Variants in SLC35F4 observed in about 807,000 individuals in gnomAD.
SLC35F4 encodes the protein chromosome 14 open reading frame 36.
SLC35F4 carries 24 observed loss-of-function variants against 44.2 expected under a neutral mutation model. The ratio of observed to expected loss-of-function variants is 0.54; its 90% CI spans 0.39 to 0.76. SLC35F4 has a LOEUF of 0.76. Ranked by LOEUF, SLC35F4 falls within the 30% of genes least tolerant of loss-of-function variation. The pLI is 0.00. For synonymous variants in SLC35F4, 238 were observed against 223.6 expected (o/e 1.06, Z -0.57); for missense variants, 562 against 586.1 (o/e 0.96, Z 0.42).
chr14:57,684,797 C>A (rs1397273511), intron 1 of SLC35F4, among the ~76,000 whole-genome samples: 4 of 152,196 alleles, frequency 2.6e-5, no homozygotes, highest in Non-Finnish European at 5.9e-5. Context: ...ATTTTCCAGG[C>A]ATCCCCTCAT....
Position 57,613,243 on chromosome 14 carries a change from C to T in SLC35F4, c.104-19119G>A, listed in dbSNP as rs577134832. Among the ~76,000 whole-genome samples, 32 of 152,318 alleles carry T rather than the reference C, an allele frequency of 2.1e-4. 1 individual carries two copies. The South Asian group carries it at 6.2e-3, about 30-fold the overall frequency. ...TAGCAGGTGCATGGAACAGATTTAGCTCTCAAGGCTTTTAAGCAAATCTTA... is the reference window on the plus strand; with the variant it reads ...TAGCAGGTGCATGGAACAGATTTAGTTCTCAAGGCTTTTAAGCAAATCTTA... On this transcript the variant is annotated intron_variant, in intron 1 of 7. Transcript: ENST00000556826.
intron 1 of SLC35F4, among the ~76,000 whole-genome samples, chr14:57,612,250 CTA>C (rs1491252151): frequency 8.6e-5 from 13 of 151,638 alleles, no homozygotes; most frequent in Non-Finnish European, 1.5e-4. Flanking sequence ...GATCCCGTCT[CTA>C]AAAAAAAAAG....
chr14:57,918,903 G>A (rs904605519), intron 1 of SLC35F4, among the ~76,000 whole-genome samples: 1 of 152,196 alleles, frequency 6.6e-6, no homozygotes, highest in Non-Finnish European at 1.5e-5. Flanking sequence ...AGATAGCATA[G>A]TGTGACAGAA....
In SLC35F4 at chr14:57,944,755, A is replaced by G. The variant is rs1012186725; in HGVS notation, n.282+37158T>C. On this transcript the variant is annotated intron_variant and non_coding_transcript_variant, in intron 1 of 1. Transcript: ENST00000556568. ...AGAAAGAAAGAAAGAAAGAAAGAAG[A>G]AAGGAAGAAAGAAAAGAAAAGAAAA... Among the ~76,000 whole-genome samples the G allele has an allele frequency of 4.8e-5, 7 of 145,222 alleles. 1 individual carries two copies. Among genetic ancestry groups the G allele is most frequent in the Admixed American group, 1.4e-4 (2 of 14,572 alleles).
chr14:57,873,582 C>T (rs772855956), intron 1 of SLC35F4, among the ~76,000 whole-genome samples: 4 of 151,996 alleles, frequency 2.6e-5, no homozygotes, highest in East Asian at 1.9e-4. Flanking sequence ...AGATTGTATA[C>T]GGATGTCTAC....
intron 1 of SLC35F4, among the ~76,000 whole-genome samples, chr14:57,809,134 G>A (rs1042145007): frequency 6.6e-5 from 10 of 152,102 alleles, no homozygotes; most frequent in Admixed American, 1.3e-4. Flanking sequence ...AGCAGAAAGC[G>A]AATTACAGTT....
At chr14:57,776,508 T>C (rs2077490951) in intron 1 of SLC35F4, among the ~76,000 whole-genome samples, 1 of 151,546 alleles carries the variant, frequency 6.6e-6, no homozygotes, top group Admixed American at 6.6e-5. Context: ...CTACTAAAAA[T>C]ACAAAAAATT....
intron 1 of SLC35F4, among the ~76,000 whole-genome samples, chr14:57,884,290 T>C (rs991332554): frequency 6.6e-6 from 1 of 152,184 alleles, no homozygotes; most frequent in Non-Finnish European, 1.5e-5. Flanking sequence ...ATATAAGTAA[T>C]CACCTTTAAT....
chr14:57,836,410 A>G (rs1284270357), intron 1 of SLC35F4, among the ~76,000 whole-genome samples: 2 of 152,160 alleles, frequency 1.3e-5, no homozygotes, highest in Non-Finnish European at 2.9e-5. Context: ...CTCCTGCCTC[A>G]GCCTCCCGAG....
chr14:57,944,387 C>G (rs1209046394), intron 1 of SLC35F4, among the ~76,000 whole-genome samples: 14 of 152,142 alleles, frequency 9.2e-5, no homozygotes, highest in Non-Finnish European at 2.1e-4. Flanking sequence ...ATCAAGCACT[C>G]CCTCACCTGA....
chr14:57,858,108 G>A (rs1887300835), intron 1 of SLC35F4, among the ~76,000 whole-genome samples: 1 of 151,974 alleles, frequency 6.6e-6, no homozygotes, highest in African/African-American at 2.4e-5. Flanking sequence ...CAACCATTGT[G>A]GGAGACAGTG....
chr14:57,959,130 C>T (rs142984804), intron 1 of SLC35F4, among the ~76,000 whole-genome samples: 2 of 152,232 alleles, frequency 1.3e-5, no homozygotes, highest in Non-Finnish European at 2.9e-5. Context: ...TGGGCCCTGA[C>T]CTAGGCACTG....
At chr14:57,735,578 G>C (rs1054119516) in intron 1 of SLC35F4, among the ~76,000 whole-genome samples, 11 of 152,136 alleles carry the variant, frequency 7.2e-5, no homozygotes, top group African/African-American at 2.4e-5. Context: ...CCACATGACT[G>C]TCTCAGGGCA....
intron 1 of SLC35F4, among the ~76,000 whole-genome samples, chr14:57,846,867 CCAAA>C (rs1248922123): frequency 6.6e-6 from 1 of 152,166 alleles, no homozygotes; most frequent in Non-Finnish European, 1.5e-5. Context: ...TCCTCAATCT[CCAAA>C]CAGACTCTTG....
chr14:57,730,302 T>G (rs2076313594), intron 1 of SLC35F4, among the ~76,000 whole-genome samples: 1 of 152,200 alleles, frequency 6.6e-6, no homozygotes, highest in African/African-American at 2.4e-5. Flanking sequence ...TCTTTCTCCA[T>G]CTTCTCATCT....
At chr14:57,606,982 A>T (rs1313931390) in intron 1 of SLC35F4, among the ~76,000 whole-genome samples, 1 of 152,214 alleles carries the variant, frequency 6.6e-6, no homozygotes. Context: ...ACAGGGAAGA[A>T]CAAGAAGGCA....
Position 57,944,261 on chromosome 14 carries a change from CCT to C in SLC35F4, n.282+37650_282+37651del, listed in dbSNP as rs142915097. Reference sequence around the variant, plus strand: ...ACCAAGAAAACAAACACAAATATTCCCTGATATCTATAATGACAAACAAATCC... The same window carrying C: ...ACCAAGAAAACAAACACAAATATTCCGATATCTATAATGACAAACAAATCC... On this transcript the variant is annotated intron_variant and non_coding_transcript_variant, in intron 1 of 1. Transcript: ENST00000556568. 0.02 allele frequency among the ~76,000 whole-genome samples: 3,093 copies of C among 152,182 alleles called. 335 individuals carry two copies. In the East Asian group the frequency reaches 0.35, roughly 17 times the overall value.
At chr14:57,958,768 TCTC>T (rs1890289289) in intron 1 of SLC35F4, among the ~76,000 whole-genome samples, 1 of 152,190 alleles carries the variant, frequency 6.6e-6, no homozygotes, top group Non-Finnish European at 1.5e-5. Flanking sequence ...GACTTAGAAC[TCTC>T]ATACATTGAT....
intron 1 of SLC35F4, among the ~76,000 whole-genome samples, chr14:57,663,438 T>C (rs1410318418): frequency 1.3e-5 from 2 of 152,158 alleles, no homozygotes; most frequent in African/African-American, 4.8e-5. Context: ...TTACCTAGAA[T>C]TATCCTACTG....
Sources: allele counts gnomAD v4.1 joint callset (sites outside exome capture counted in the v4.1 genomes callset), GRCh38; gene constraint gnomAD v4.1.1; transcripts MANE v1.5; gene names NCBI Gene and HGNC (gene_info 2026-07-23, HGNC 2026-07-21).